Variants in RPTOR observed in about 807,000 individuals in gnomAD.
RPTOR encodes the protein regulatory-associated protein of mTOR.
A neutral mutation model predicts 169.9 loss-of-function variants in RPTOR; 21 were observed. The observed-to-expected ratio is 0.12, with a 90% CI of 0.09 to 0.18. The LOEUF (loss-of-function observed/expected upper bound fraction) is 0.18, where lower values mean the gene tolerates loss of function less well. RPTOR is among the 10% of genes least tolerant of loss of function. RPTOR has a pLI of 1.00. For synonymous variants in RPTOR, 732 were observed against 753.2 expected (o/e 0.97, Z 0.46); for missense variants, 1,133 against 1,855.9 (o/e 0.61, Z 7.16).
chr17:80,910,917 G>A (rs1021544198), intron 21 of RPTOR, among the ~76,000 whole-genome samples: 5 of 149,026 alleles, frequency 3.4e-5, no homozygotes, highest in East Asian at 2.0e-4. Flanking sequence ...TGCAGCCTCC[G>A]CCTCCCAGGT....
chr17:80,546,896 C>G (rs531604487), intron 1 of RPTOR, among the ~76,000 whole-genome samples: 40 of 152,176 alleles, frequency 2.6e-4, no homozygotes, highest in East Asian at 1.9e-3. Flanking sequence ...TGGTGAAACC[C>G]TGTCTGTACT....
intron 5 of RPTOR, among the ~76,000 whole-genome samples, chr17:80,748,537 G>A (rs1352338981): frequency 3.3e-5 from 4 of 120,570 alleles, no homozygotes; most frequent in South Asian, 3.2e-4. Flanking sequence ...AGGCCATGGC[G>A]GGAGGACCTG....
chr17:80,940,596 A>T lies in RPTOR; in HGVS notation c.3020A>T (p.Gln1007Leu), dbSNP rs956178301. The T allele has an allele frequency of 1.4e-5, 23 of 1,608,874 alleles. No individual in the cohort carries two copies. The highest frequency in any genetic ancestry group is 1.9e-5 in the Non-Finnish European group (22 of 1,177,796). The change falls in exon 25 of 34, where the codon CAG becomes CTG. Residue 1007 changes from glutamine to leucine, a missense_variant. Coordinates refer to ENST00000306801, the MANE Select transcript of RPTOR (RefSeq NM_020761.3). ...AGGAGGCAGGCCCAGCAAGTCATTC[A>T]GAAGGGTAAGGGCACCCGCACAGCC... ...RVRRQAQQVI[Q>L]KGITRLDDQI...
At chr17:80,818,551 A>G (rs546200876) in intron 7 of RPTOR, among the ~76,000 whole-genome samples, 4 of 152,204 alleles carry the variant, frequency 2.6e-5, no homozygotes, top group Non-Finnish European at 4.4e-5. Context: ...ATGTGACGTG[A>G]AAAGTGAGGG....
intron 2 of RPTOR, among the ~76,000 whole-genome samples, chr17:80,635,576 T>A (rs72849110): frequency 1.4e-4 from 22 of 151,870 alleles, no homozygotes; most frequent in African/African-American, 5.3e-4. Flanking sequence ...CAGTGGAAAG[T>A]GGATCTGGTG....
intron 6 of RPTOR, among the ~76,000 whole-genome samples, chr17:80,777,385 T>G (rs892301878): frequency 1.3e-5 from 2 of 152,180 alleles, no homozygotes; most frequent in Admixed American, 1.3e-4. Context: ...TTGAAAACTA[T>G]TAAAAACTTG....
chr17:80,841,949 ACTCACCGCACGGCAGCTCACT>A (rs1567943825), intron 10 of RPTOR, among the ~76,000 whole-genome samples: 6 of 67,632 alleles, frequency 8.9e-5, no homozygotes, highest in African/African-American at 1.9e-4. Context: ...GGCAGCTCAC[ACTCACCGCACGGCAGCTCACT>A]CTCACCGCAC....
At chr17:80,781,427 C>T (rs1181859790) in intron 6 of RPTOR, among the ~76,000 whole-genome samples, 1 of 152,148 alleles carries the variant, frequency 6.6e-6, no homozygotes, top group Non-Finnish European at 1.5e-5. Context: ...AGGGTACCAA[C>T]GAGCTAGGCC....
intron 2 of RPTOR, among the ~76,000 whole-genome samples, chr17:80,634,201 C>A (rs1251300828): frequency 9.2e-6 from 1 of 108,532 alleles, no homozygotes; most frequent in African/African-American, 3.8e-5. Context: ...TGTGTGCATA[C>A]TGTGTGTGCA....
rs534837402 is a variant in RPTOR, at chr17:80,870,781, A to C, written c.1510-9634A>C. 2.5e-3 allele frequency among the ~76,000 whole-genome samples: 385 copies of C among 152,352 alleles called. 1 individual carries two copies. Among genetic ancestry groups the C allele is most frequent in the African/African-American group, 8.9e-3 (369 of 41,570 alleles). ...TTTAGAACAGTTTTAGATTTACAGA[A>C]AACTGGAAAAGGTAGTAAATAGAGT... is the stretch of plus-strand genomic sequence containing the variant. On this transcript the variant is annotated intron_variant, in intron 13 of 33. Coordinates refer to ENST00000306801, the MANE Select transcript of RPTOR (RefSeq NM_020761.3).
At chr17:80,953,829 G>A (rs8066056) in intron 28 of RPTOR, among the ~76,000 whole-genome samples, 23,534 of 152,220 alleles carry the variant, frequency 0.15, 4,861 homozygotes, top group African/African-American at 0.48. Flanking sequence ...CCTCCCGCCC[G>A]GTTGCACACC....
chr17:80,963,076 G>A lies in RPTOR; in HGVS notation c.3939+19G>A. 7.5e-7 allele frequency: 1 copy of A among 1,341,012 alleles called. No individual in the cohort carries two copies. Among genetic ancestry groups the A allele is most frequent in the Non-Finnish European group, 1.0e-6 (1 of 966,356 alleles). The allele number at this position is 1,341,012 out of a possible 1,614,324, so 83.1% of individuals were successfully genotyped here. On this transcript the variant is annotated intron_variant, in intron 33 of 33. Transcript: ENST00000306801. The stretch of plus-strand genomic sequence containing the variant: ...GCACTGGGTCAGTGTGGCGGTGGGT[G>A]GGGGTCGGGGGTCGGGGGCTGGGGT...
At chr17:80,738,926 A>G (rs1213250167) in intron 5 of RPTOR, among the ~76,000 whole-genome samples, 2 of 152,260 alleles carry the variant, frequency 1.3e-5, no homozygotes, top group Admixed American at 6.5e-5. Flanking sequence ...TGAAAACGAT[A>G]CACTGTTTGC....
chr17:80,696,334 A>G (rs529890331), intron 3 of RPTOR, among the ~76,000 whole-genome samples: 6 of 152,366 alleles, frequency 3.9e-5, no homozygotes, highest in Non-Finnish European at 5.9e-5. Context: ...ATAGAGTGGG[A>G]CAGAATTTGT....
In RPTOR at chr17:80,746,406, C is replaced by T. The variant is rs138736526; in HGVS notation, c.655-7604C>T. 4.5e-3 allele frequency among the ~76,000 whole-genome samples: 692 copies of T among 152,274 alleles called. 4 individuals are homozygous for T. Among genetic ancestry groups the T allele is most frequent in the African/African-American group, 0.015 (643 of 41,558 alleles). ...GACGGCAGGCCTGGGGCGTGCTGCCCGCTTACCTCATGAACTGCGCGTGCA... is the reference window on the plus strand; with the variant it reads ...GACGGCAGGCCTGGGGCGTGCTGCCTGCTTACCTCATGAACTGCGCGTGCA... On this transcript the variant is annotated intron_variant, in intron 5 of 33. Transcript: ENST00000306801. This position sits in a 1 kb window ranked among gnomAD's most constrained non-coding sequence, Gnocchi z 4.5.
intron 3 of RPTOR, 35 bp downstream of exon 3, chr17:80,643,845 T>G (rs371830089): frequency 3.2e-5 from 49 of 1,507,704 alleles, no homozygotes; most frequent in Non-Finnish European, 4.4e-5. Flanking sequence ...CCTTTCCTTC[T>G]TACAGGGAAA....
intron 3 of RPTOR, among the ~76,000 whole-genome samples, chr17:80,652,038 C>T (rs572666332): frequency 6.1e-5 from 9 of 148,306 alleles, no homozygotes; most frequent in Non-Finnish European, 1.2e-4. Flanking sequence ...GGCGTGGTGG[C>T]GGGTGCCTGT....
chr17:80,836,999 G>C (rs2067571140), intron 9 of RPTOR, among the ~76,000 whole-genome samples: 1 of 152,156 alleles, frequency 6.6e-6, no homozygotes, highest in South Asian at 2.1e-4. Flanking sequence ...GCAAGGATGA[G>C]AGCAGGCAGG....
chr17:80,588,572 T>G (rs2065081156), intron 1 of RPTOR, among the ~76,000 whole-genome samples: 1 of 152,232 alleles, frequency 6.6e-6, no homozygotes, highest in African/African-American at 2.4e-5. Flanking sequence ...CCGATTTCAA[T>G]TCCTTTGGAT....
Sources: allele counts gnomAD v4.1 joint callset (sites outside exome capture counted in the v4.1 genomes callset), GRCh38; gene constraint gnomAD v4.1.1; non-coding constraint Gnocchi (gnomAD v3.1); transcripts MANE v1.5; gene names NCBI Gene and HGNC (gene_info 2026-07-23, HGNC 2026-07-21).